The following RALGPS2 variants were observed in gnomAD, a reference collection of about 807,000 sequenced individuals.
The protein encoded by RALGPS2 is Ral GEF with PH domain and SH3 binding motif 2, also known as ras-specific guanine nucleotide-releasing factor RalGPS2.
In RALGPS2, 43 loss-of-function variants were observed where a neutral mutation model predicts 86.8. The observed-to-expected ratio is 0.50, with a 90% CI of 0.39 to 0.64. The LOEUF (loss-of-function observed/expected upper bound fraction) is 0.64, where lower values mean the gene tolerates loss of function less well. RALGPS2 is among the 30% of genes least tolerant of loss of function. The probability of loss-of-function intolerance (pLI) is 0.00; values close to 1 mark genes in which losing one functional copy is unlikely to be tolerated. For synonymous variants in RALGPS2, 243 were observed against 231.3 expected, an observed-to-expected ratio of 1.05 and a Z score of -0.46; for missense variants, 536 against 694.6, an observed-to-expected ratio of 0.77 and a Z score of 2.57.
chr1:178,903,597 T>C (rs112053863), intron 18 of RALGPS2, among the ~76,000 whole-genome samples: 23 of 152,178 alleles, frequency 1.5e-4, no homozygotes, highest in African/African-American at 4.1e-4. Context: ...TGAGAACATA[T>C]GATGTTTGGT....
At chr1:178,812,361 G>A (rs1655024625) in intron 6 of RALGPS2, among the ~76,000 whole-genome samples, 1 of 152,162 alleles carries the variant, frequency 6.6e-6, no homozygotes, top group Non-Finnish European at 1.5e-5. Flanking sequence ...ATATCTCAAG[G>A]AAGTATCTCA....
chr1:178,845,521 C>T (rs1656825714), intron 8 of RALGPS2, among the ~76,000 whole-genome samples: 2 of 152,272 alleles, frequency 1.3e-5, no homozygotes, highest in Admixed American at 1.3e-4. Context: ...CTTACAGCAT[C>T]TAGAACAAAA....
intron 1 of RALGPS2, among the ~76,000 whole-genome samples, chr1:178,737,687 C>T (rs1650793199): frequency 1.3e-5 from 2 of 152,170 alleles, no homozygotes; most frequent in South Asian, 4.1e-4. Flanking sequence ...AAATATTTTT[C>T]ATTTTTAATT....
chr1:178,757,929 G>A (rs939148643), intron 1 of RALGPS2, among the ~76,000 whole-genome samples: 3 of 151,910 alleles, frequency 2.0e-5, no homozygotes, highest in Admixed American at 1.3e-4. Context: ...GGCCTTTTTT[G>A]GTTGGTAGGT....
chr1:178,851,177 C>T (rs1183002568), intron 8 of RALGPS2: 1 of 1,613,898 alleles, frequency 6.2e-7, no homozygotes, highest in South Asian at 1.1e-5. Flanking sequence ...AGGAGTATGA[C>T]CCGCCTCTGT....
intron 17 of RALGPS2, among the ~76,000 whole-genome samples, chr1:178,901,687 A>C (rs1660181766): frequency 6.8e-6 from 1 of 147,554 alleles, no homozygotes; most frequent in African/African-American, 2.5e-5. Context: ...GACTGTCTCA[A>C]AAAAAAAAAA....
chr1:178,801,496 C>CAAAA lies in RALGPS2; in HGVS notation c.214-6548_214-6545dup, dbSNP rs377370047. On this transcript the variant is annotated intron_variant, in intron 4 of 19. Coordinates refer to ENST00000367635, the MANE Select transcript of RALGPS2 (RefSeq NM_152663.5). ...TATCGTGATAAATAAGGAAGCCAGA[C>CAAAA]AAAAGTATGGTGGATTGTGGCTTCA... Among the ~76,000 whole-genome samples, 468 of 152,106 alleles carry CAAAA rather than the reference C, an allele frequency of 3.1e-3. 2 individuals are homozygous for CAAAA. Among genetic ancestry groups the CAAAA allele is most frequent in the South Asian group, 5.4e-3 (26 of 4,818 alleles).
intron 19 of RALGPS2, among the ~76,000 whole-genome samples, chr1:178,916,022 C>T (rs912706766): frequency 1.3e-5 from 2 of 152,138 alleles, no homozygotes; most frequent in Middle Eastern, 3.2e-3. Context: ...CTTACTCTTG[C>T]TCTCATTTAT....
chr1:178,864,153 C>A (rs927609429), intron 8 of RALGPS2, among the ~76,000 whole-genome samples: 1 of 151,840 alleles, frequency 6.6e-6, no homozygotes, highest in Non-Finnish European at 1.5e-5. Flanking sequence ...TAAACTGAAA[C>A]AAAGATGAAT....
intron 1 of RALGPS2, 97 bp downstream of exon 1, chr1:178,725,516 CG>C (rs1294187746): frequency 6.5e-6 from 1 of 152,808 alleles, no homozygotes; most frequent in African/African-American, 2.4e-5. Flanking sequence ...GCGGCGGCGG[CG>C]CTGCGGAGTG....
At chr1:178,780,167 C>G (rs888331209) in intron 2 of RALGPS2, among the ~76,000 whole-genome samples, 2 of 152,102 alleles carry the variant, frequency 1.3e-5, no homozygotes, top group African/African-American at 2.4e-5. Flanking sequence ...CCATATTCTG[C>G]TGGTTAGAAA....
chr1:178,747,097 G>T (rs1651379614), intron 1 of RALGPS2: 11 of 886,516 alleles, frequency 1.2e-5, no homozygotes, highest in Non-Finnish European at 1.9e-5. Flanking sequence ...ATTTTCTTAT[G>T]TTCAGTAACA....
chr1:178,881,430 A>G (rs1403217181), intron 10 of RALGPS2, among the ~76,000 whole-genome samples: 9 of 152,128 alleles, frequency 5.9e-5, no homozygotes, highest in Admixed American at 3.3e-4. Flanking sequence ...TTGGGACATC[A>G]TACGGCACTA....
intron 6 of RALGPS2, among the ~76,000 whole-genome samples, chr1:178,812,745 G>A (rs1268863060): frequency 6.6e-6 from 1 of 152,062 alleles, no homozygotes; most frequent in Non-Finnish European, 1.5e-5. Flanking sequence ...ATAAAATGAG[G>A]ATATCATGTT....
intron 15 of RALGPS2, among the ~76,000 whole-genome samples, chr1:178,892,593 A>G (rs768490086): frequency 6.6e-6 from 1 of 152,128 alleles, no homozygotes; most frequent in Non-Finnish European, 1.5e-5. Flanking sequence ...TCTAATGCTG[A>G]TAGTTTTTGA....
At chr1:178,806,060 T>C (rs1405174070) in intron 4 of RALGPS2, among the ~76,000 whole-genome samples, 1 of 152,086 alleles carries the variant, frequency 6.6e-6, no homozygotes, top group Non-Finnish European at 1.5e-5. Flanking sequence ...CTCCCATTGC[T>C]GTTAATCAGA....
At position 178,742,028 on chromosome 1, in the gene RALGPS2, C is replaced by A. The variant is rs147064704; in HGVS notation, c.-84+16609C>A. On this transcript the variant is annotated intron_variant, in intron 1 of 19. Transcript: ENST00000367635. ...ACGCACGCCTGTAGTCCCAGCTACT[C>A]AGGAGGCTGAGGCAGGAGAATTGCT... Among the ~76,000 whole-genome samples the A allele has an allele frequency of 2.9e-4, 44 of 150,902 alleles. 1 individual carries two copies. Among genetic ancestry groups the A allele is most frequent in the African/African-American group, 6.1e-4 (25 of 41,144 alleles).
At chr1:178,794,968 C>G (rs907751129) in intron 4 of RALGPS2, among the ~76,000 whole-genome samples, 1 of 152,008 alleles carries the variant, frequency 6.6e-6, no homozygotes, top group African/African-American at 2.4e-5. Flanking sequence ...TCACTTGAGG[C>G]TAGGAGTTCA....
intron 15 of RALGPS2, among the ~76,000 whole-genome samples, chr1:178,893,359 T>C (rs921963593): frequency 6.6e-6 from 1 of 151,848 alleles, no homozygotes; most frequent in African/African-American, 2.4e-5. Context: ...TTAAATGTTA[T>C]TAAAATGTAT....
Sources: allele counts gnomAD v4.1 joint callset (sites outside exome capture counted in the v4.1 genomes callset), GRCh38; gene constraint gnomAD v4.1.1; transcripts MANE v1.5; gene names NCBI Gene and HGNC (gene_info 2026-07-23, HGNC 2026-07-21).